The following PSMA5 variants were observed in gnomAD, a reference collection of about 807,000 sequenced individuals.
PSMA5 encodes the protein proteasome subunit alpha type-5.
In PSMA5, 3 loss-of-function variants were observed where a neutral mutation model predicts 34.5. The observed-to-expected ratio is 0.09, with a 90% CI of 0.04 to 0.22. PSMA5 has a LOEUF of 0.22. Among genes scored for constraint, PSMA5 ranks in the 10% least tolerant of loss-of-function variants. The probability of loss-of-function intolerance (pLI) is 1.00; values close to 1 mark genes in which losing one functional copy is unlikely to be tolerated. For synonymous variants in PSMA5, 88 were observed against 95.8 expected (o/e 0.92, Z 0.47); for missense variants, 120 against 286.1 (o/e 0.42, Z 4.19).
intron 1 of PSMA5, among the ~76,000 whole-genome samples, chr1:109,423,266 CCGT>C (rs1442580184): frequency 3.9e-5 from 6 of 152,112 alleles, no homozygotes; most frequent in African/African-American, 1.2e-4. Flanking sequence ...AGGTGAAACC[CCGT>C]CTCTACTAAA....
chr1:109,419,443 G>A (rs147647145), intron 2 of PSMA5, among the ~76,000 whole-genome samples: 403 of 151,880 alleles, frequency 2.7e-3, no homozygotes, highest in African/African-American at 9.1e-3. Context: ...CTAGGTGGGC[G>A]GATCACTTGA....
chr1:109,412,053 A>C (rs1316338419), intron 5 of PSMA5, 24 bp downstream of exon 5: 1 of 1,605,396 alleles, frequency 6.2e-7, no homozygotes, highest in Admixed American at 1.7e-5. Context: ...CAATAAGAAA[A>C]CTCGACAGAA....
rs1404591442 is a variant in PSMA5 at position 109,400,089 on chromosome 1, T to A, written c.*1924A>T. On this transcript the variant is annotated 3_prime_UTR_variant, in exon 9 of 9. Transcript: ENST00000271308. ...CTACCTCTTTGAAGAATGCCAATTA[T>A]AGAAGGTACGAAATTTACTGTTTTA... 6.6e-6 allele frequency: 1 copy of A among 152,300 alleles called. No individual in the cohort carries two copies. Among genetic ancestry groups the A allele is most frequent in the South Asian group, 2.1e-4 (1 of 4,824 alleles). The allele number at this position is 152,300 out of a possible 1,614,324, so 9.4% of individuals were successfully genotyped here.
chr1:109,413,762 A>T (rs1358219411), intron 3 of PSMA5, among the ~76,000 whole-genome samples: 1 of 152,018 alleles, frequency 6.6e-6, no homozygotes, highest in East Asian at 1.9e-4. Context: ...CATATCACAC[A>T]CTCATTTCCC....
intron 4 of PSMA5, 87 bp from the exon 5 acceptor site, chr1:109,412,271 G>C (rs1392043053): frequency 8.8e-7 from 1 of 1,135,584 alleles, no homozygotes; most frequent in East Asian, 2.4e-5. Context: ...CTTTAAACTG[G>C]GATTGAAAAC....
At chr1:109,424,298 CT>C (rs201914256) in intron 1 of PSMA5, among the ~76,000 whole-genome samples, 7,552 of 145,312 alleles carry the variant, frequency 0.052, 197 homozygotes, top group Non-Finnish European at 0.065. Flanking sequence ...GTAAACAATT[CT>C]TTTTTTTTTT....
chr1:109,407,931 T>C (rs1653845479), intron 8 of PSMA5, among the ~76,000 whole-genome samples: 1 of 152,042 alleles, frequency 6.6e-6, no homozygotes, highest in Admixed American at 6.6e-5. Context: ...TGGCCTCAAC[T>C]ACGATTTTAA....
intron 8 of PSMA5, among the ~76,000 whole-genome samples, chr1:109,405,727 A>C (rs1173522802): frequency 6.6e-6 from 1 of 152,234 alleles, no homozygotes; most frequent in Non-Finnish European, 1.5e-5. Flanking sequence ...GGTGTGAGCC[A>C]CATGTCCAGC....
intron 8 of PSMA5, among the ~76,000 whole-genome samples, chr1:109,405,278 G>A (rs1447222220): frequency 2.6e-5 from 4 of 152,108 alleles, no homozygotes; most frequent in African/African-American, 9.7e-5. Flanking sequence ...AAGATTTTCG[G>A]AATAGGAATA....
At chr1:109,408,875 G>C (rs1653889467) in intron 8 of PSMA5, among the ~76,000 whole-genome samples, 1 of 151,924 alleles carries the variant, frequency 6.6e-6, no homozygotes, top group African/African-American at 2.4e-5. Context: ...ATTTTTAGTA[G>C]AGATGGGGTT....
chr1:109,423,624 T>A (rs902636219), intron 1 of PSMA5, among the ~76,000 whole-genome samples: 1 of 152,178 alleles, frequency 6.6e-6, no homozygotes, highest in African/African-American at 2.4e-5. Context: ...AGTTTTAATT[T>A]AAAACATCTC....
intron 7 of PSMA5, 131 bp downstream of exon 7, chr1:109,410,880 T>C: frequency 1.5e-6 from 1 of 661,434 alleles, no homozygotes; most frequent in Non-Finnish European, 2.6e-6. Flanking sequence ...TTTCTGGTGG[T>C]GATGAAAGTG....
chr1:109,406,761 A>G (rs529996510), intron 8 of PSMA5, among the ~76,000 whole-genome samples: 1 of 152,322 alleles, frequency 6.6e-6, no homozygotes, highest in South Asian at 2.1e-4. Context: ...AAGAGACTAC[A>G]AAGGGACATG....
chr1:109,426,184 G>A, intron 1 of PSMA5, 118 bp downstream of exon 1: 1 of 1,392,114 alleles, frequency 7.2e-7, no homozygotes, highest in Non-Finnish European at 1.0e-6. Context: ...ACATCCCCAG[G>A]TCCGGCCAGT....
At chr1:109,424,109 T>C (rs1654551454) in intron 1 of PSMA5, among the ~76,000 whole-genome samples, 1 of 152,186 alleles carries the variant, frequency 6.6e-6, no homozygotes, top group African/African-American at 2.4e-5. Context: ...ACTATTGATC[T>C]CACTGTCTTT....
At chr1:109,409,347 G>A (rs1653907478) in intron 8 of PSMA5, among the ~76,000 whole-genome samples, 1 of 152,038 alleles carries the variant, frequency 6.6e-6, no homozygotes, top group African/African-American at 2.4e-5. Flanking sequence ...GGTAGAGTCG[G>A]GGTTTTGCCA....
intron 2 of PSMA5, among the ~76,000 whole-genome samples, chr1:109,421,198 T>G (rs759054469): frequency 1.6e-4 from 24 of 151,714 alleles, no homozygotes; most frequent in Non-Finnish European, 2.8e-4. Context: ...AAAAAACCAC[T>G]AAAACAAATC....
At chr1:109,423,582 A>C (rs1441600983) in intron 1 of PSMA5, among the ~76,000 whole-genome samples, 4 of 152,206 alleles carry the variant, frequency 2.6e-5, no homozygotes, top group African/African-American at 7.2e-5. Context: ...CCACCTTGCA[A>C]AATTGACTTC....
chr1:109,425,749 T>G (rs1654629759), intron 1 of PSMA5: 2 of 153,060 alleles, frequency 1.3e-5, no homozygotes, highest in Non-Finnish European at 2.9e-5. Flanking sequence ...TTTGGTCAAT[T>G]GGAATCGGCA....
Sources: gnomAD v4.1 joint callset for allele counts (sites outside exome capture counted in the v4.1 genomes callset) on GRCh38, gnomAD v4.1.1 for gene constraint, MANE v1.5 for transcripts, NCBI Gene and HGNC (gene_info 2026-07-23, HGNC 2026-07-21) for gene names.